SYN3: variants seen among roughly 807,000 people sequenced by gnomAD.
The protein encoded by SYN3 is synapsin III, also known as synapsin-3.
Under a neutral mutation model 65.8 loss-of-function variants are expected in SYN3, and 35 were observed. The observed-to-expected ratio is 0.53, with a 90% CI of 0.41 to 0.70. The LOEUF (loss-of-function observed/expected upper bound fraction) is 0.70, where lower values mean the gene tolerates loss of function less well. Ranked by LOEUF, SYN3 falls within the 30% of genes least tolerant of loss-of-function variation. SYN3 has a pLI of 0.00. For synonymous variants in SYN3, 270 were observed against 292.9 expected, an observed-to-expected ratio of 0.92 and a Z score of 0.80; for missense variants, 680 against 749.0, an observed-to-expected ratio of 0.91 and a Z score of 1.08.
At chr22:32,561,377 A>T (rs1177960548) in intron 7 of SYN3, among the ~76,000 whole-genome samples, 1 of 152,148 alleles carries the variant, frequency 6.6e-6, no homozygotes, top group Non-Finnish European at 1.5e-5. Flanking sequence ...ATCTTGATAC[A>T]GGGTAGGTGC....
chr22:33,015,845 C>T (rs2413160), intron 1 of SYN3, among the ~76,000 whole-genome samples: 36,661 of 138,814 alleles, frequency 0.26, 5,143 homozygotes, highest in African/African-American at 0.41. Context: ...ATTTTCTTTT[C>T]TTTTTTTTTT....
intron 4 of SYN3, among the ~76,000 whole-genome samples, chr22:32,908,243 G>A (rs1274967867): frequency 1.3e-5 from 2 of 151,920 alleles, no homozygotes; most frequent in East Asian, 1.9e-4. Context: ...CCACTACCAC[G>A]CCTGGCTAAT....
In SYN3 at chr22:32,806,216, G is replaced by C. The variant is rs1287310912; in HGVS notation, c.711+58699C>G. Among the ~76,000 whole-genome samples, 3 of 152,068 alleles carry C rather than the reference G, an allele frequency of 2.0e-5. No homozygotes were observed. In the East Asian group the frequency reaches 5.8e-4, roughly 29 times the overall value. ...AAGCCAGGGGGAGTCAGGAGACTGG[G>C]TCCCAGCTGGAGAAGGTGCCCCTCT... On this transcript the variant is annotated intron_variant, in intron 6 of 13. Coordinates refer to ENST00000358763, the MANE Select transcript of SYN3 (RefSeq NM_003490.4).
chr22:32,779,710 C>T (rs1279279833), intron 6 of SYN3, among the ~76,000 whole-genome samples: 1 of 152,098 alleles, frequency 6.6e-6, no homozygotes, highest in Non-Finnish European at 1.5e-5. Flanking sequence ...TGCTTTTCTC[C>T]CAAATGCCCA....
At chr22:32,843,224 C>T (rs1475567828) in intron 6 of SYN3, among the ~76,000 whole-genome samples, 2 of 152,204 alleles carry the variant, frequency 1.3e-5, no homozygotes, top group Non-Finnish European at 1.5e-5. Flanking sequence ...AAAGAACATG[C>T]ACACGTTGCT....
intron 4 of SYN3, among the ~76,000 whole-genome samples, chr22:32,872,267 T>C (rs2048869635): frequency 2.6e-5 from 4 of 152,184 alleles, no homozygotes; most frequent in Admixed American, 2.6e-4. Flanking sequence ...AAATAAATGA[T>C]TGCATGAATG....
chr22:32,513,071 G>A lies in SYN3; in HGVS notation c.*621C>T, dbSNP rs554748962. 1 of 152,404 alleles carries A rather than the reference G, an allele frequency of 6.6e-6. No homozygotes were observed. The highest frequency in any genetic ancestry group is 1.9e-4 in the East Asian group (1 of 5,176). The allele number at this position is 152,404 out of a possible 1,614,324, so 9.4% of individuals were successfully genotyped here. A position where few individuals can be genotyped will look rare whatever the true frequency, so the allele number is the denominator to read the frequency against. On this transcript the variant is annotated 3_prime_UTR_variant, in exon 14 of 14. Coordinates refer to ENST00000358763, the MANE Select transcript of SYN3 (RefSeq NM_003490.4). ...CTGAAAGACCCCACTTGTCATACAG[G>A]GTCTGGTTTCTTTCTTGGCCTCAGG...
In SYN3 at chr22:32,653,635, G is replaced by C. The variant is rs1449505315; in HGVS notation, c.712-56899C>G. Among the ~76,000 whole-genome samples the C allele has an allele frequency of 3.9e-5, 6 of 152,194 alleles. No homozygotes were observed. In the East Asian group the frequency reaches 1.2e-3, roughly 29 times the overall value. On this transcript the variant is annotated intron_variant, in intron 6 of 13. Coordinates refer to ENST00000358763, the MANE Select transcript of SYN3 (RefSeq NM_003490.4). ...CATGGCAGCCAGCTTCCAGTCAGAAGATGCAGGAGGTGAAAAGTTGGGGGT... is the reference window on the plus strand; with the variant it reads ...CATGGCAGCCAGCTTCCAGTCAGAACATGCAGGAGGTGAAAAGTTGGGGGT...
At chr22:32,614,032 T>C (rs970954791) in intron 6 of SYN3, among the ~76,000 whole-genome samples, 1 of 152,200 alleles carries the variant, frequency 6.6e-6, no homozygotes, top group African/African-American at 2.4e-5. Context: ...AGTTCTGCAT[T>C]TGTGAATAGG....
intron 4 of SYN3, among the ~76,000 whole-genome samples, chr22:32,921,004 C>T (rs553094357): frequency 2.0e-5 from 3 of 152,282 alleles, no homozygotes; most frequent in South Asian, 4.1e-4. Flanking sequence ...AAATTCTATT[C>T]TCTCCTTTTG....
chr22:32,952,345 TA>T (rs2051316759), intron 3 of SYN3, among the ~76,000 whole-genome samples: 1 of 151,370 alleles, frequency 6.6e-6, no homozygotes, highest in African/African-American at 2.4e-5. Context: ...ATAAACACAT[TA>T]AAAATGTCCA....
At chr22:32,675,296 C>T (rs1384159740) in intron 6 of SYN3, among the ~76,000 whole-genome samples, 1 of 152,180 alleles carries the variant, frequency 6.6e-6, no homozygotes, top group Non-Finnish European at 1.5e-5. Flanking sequence ...CCAGACCTGA[C>T]AAAATACCCT....
chr22:32,602,564 C>T (rs535188681), intron 6 of SYN3, among the ~76,000 whole-genome samples: 5 of 152,258 alleles, frequency 3.3e-5, no homozygotes, highest in African/African-American at 4.8e-5. Context: ...CTGGTTCAAG[C>T]GATTCTCCTG....
intron 6 of SYN3, among the ~76,000 whole-genome samples, chr22:32,644,856 G>T (rs923594077): frequency 6.6e-6 from 1 of 152,066 alleles, no homozygotes; most frequent in African/African-American, 2.4e-5. Context: ...TGACTGTTCC[G>T]GGAAAGGGGA....
rs541724667 is a variant in SYN3 at position 33,053,610 on chromosome 22, C to T, written c.-163+4682G>A. Among the ~76,000 whole-genome samples the T allele has an allele frequency of 1.9e-3, 283 of 152,262 alleles. 1 individual carries two copies. Among genetic ancestry groups the T allele is most frequent in the Non-Finnish European group, 3.0e-3 (207 of 68,024 alleles). On this transcript the variant is annotated intron_variant, in intron 1 of 13. Coordinates refer to ENST00000358763, the MANE Select transcript of SYN3 (RefSeq NM_003490.4). ...TGATGAGTTGGAGAATGCCAGGAAC[C>T]TGGGAGGAACGGGGAAATGAAGACA...
intron 6 of SYN3, among the ~76,000 whole-genome samples, chr22:32,780,433 C>T (rs1306000234): frequency 6.6e-6 from 1 of 152,174 alleles, no homozygotes; most frequent in Admixed American, 6.5e-5. Flanking sequence ...CGCTGTTGGC[C>T]GCTCTGGTTT....
intron 2 of SYN3, among the ~76,000 whole-genome samples, chr22:32,986,870 T>G (rs1011224416): frequency 1.3e-5 from 2 of 152,154 alleles, no homozygotes; most frequent in Non-Finnish European, 2.9e-5. Context: ...CATATTTTAC[T>G]GCCACATCTG....
chr22:32,907,488 A>G (rs573192509), intron 4 of SYN3, among the ~76,000 whole-genome samples: 33 of 152,294 alleles, frequency 2.2e-4, no homozygotes, highest in African/African-American at 7.9e-4. Context: ...AATGCCTACT[A>G]TGTGCCAGGA....
At chr22:32,904,626 C>T (rs1256947661) in intron 4 of SYN3, among the ~76,000 whole-genome samples, 8 of 151,506 alleles carry the variant, frequency 5.3e-5, no homozygotes, top group East Asian at 3.9e-4. Context: ...ACAGTTTTTT[C>T]GACCATCTTC....
Sources: gnomAD v4.1 joint callset for allele counts (sites outside exome capture counted in the v4.1 genomes callset) on GRCh38, gnomAD v4.1.1 for gene constraint, MANE v1.5 for transcripts, NCBI Gene and HGNC (gene_info 2026-07-23, HGNC 2026-07-21) for gene names.